Variants in DEDD2 observed in about 807,000 individuals in gnomAD.
DEDD2 encodes death effector domain containing 2, also known as DNA-binding death effector domain-containing protein 2.
DEDD2 carries 18 observed loss-of-function variants against 28.9 expected under a neutral mutation model. The observed-to-expected ratio is 0.62, with a 90% CI of 0.43 to 0.92. The LOEUF is 0.92. Ranked by LOEUF, DEDD2 falls within the 40% of genes least tolerant of loss-of-function variation. DEDD2 has a pLI of 0.00. For missense variants in DEDD2, 411 were observed against 463.3 expected (o/e 0.89, Z 1.04); for synonymous variants, 211 against 206.1 (o/e 1.02, Z -0.20).
intron 3 of DEDD2, among the ~76,000 whole-genome samples, chr19:42,213,664 A>G (rs1030635746): frequency 2.0e-5 from 3 of 152,182 alleles, no homozygotes; most frequent in East Asian, 1.9e-4. Flanking sequence ...GACGAGTTAC[A>G]TAACTCCATC....
At chr19:42,206,163 A>T (rs975836084) in intron 4 of DEDD2, among the ~76,000 whole-genome samples, 5 of 139,142 alleles carry the variant, frequency 3.6e-5, no homozygotes, top group Non-Finnish European at 7.8e-5. Flanking sequence ...TTTCCATAAT[A>T]AAAAAAAAAA....
At chr19:42,210,249 G>A (rs1297470035) in intron 3 of DEDD2, among the ~76,000 whole-genome samples, 2 of 152,140 alleles carry the variant, frequency 1.3e-5, no homozygotes, top group Non-Finnish European at 2.9e-5. Context: ...CAAAATAAGT[G>A]TCTACAGTGT....
upstream of DEDD2, among the ~76,000 whole-genome samples, chr19:42,218,814 C>T (rs2036073215): frequency 6.6e-6 from 1 of 152,248 alleles, no homozygotes; most frequent in Non-Finnish European, 1.5e-5. Flanking sequence ...GGGCGGATCA[C>T]ACGAGGCCAG....
At chr19:42,209,617 C>CCCCAGAAAAATGCTCATTTCT in intron 4 of DEDD2, 83 bp downstream of exon 4, 1 of 1,498,816 alleles carries the variant, frequency 6.7e-7, no homozygotes, top group Non-Finnish European at 8.9e-7. Flanking sequence ...GTGTCACATC[C>CCCCAGAAAAATGCTCATTTCT]CCCAGAAAAA....
chr19:42,216,938 G>A lies in DEDD2; in HGVS notation c.70C>T (p.Leu24=). ...ACCTCGAACATACGGTGAAGCGACAGCATCCCGTAGTAGTCCAGGCACTCA... is the reference window on the plus strand; with the variant it reads ...ACCTCGAACATACGGTGAAGCGACAACATCCCGTAGTAGTCCAGGCACTCA... The part of the protein sequence containing the change: ...EDECLDYYGM[L]SLHRMFEVVG... Residue 24 remains leucine, a synonymous_variant, in exon 2 of 5, where the codon CTG becomes TTG. Coordinates refer to ENST00000596251, the MANE Select transcript of DEDD2 (RefSeq NM_133328.4). 1 of 1,602,182 alleles carries A rather than the reference G, an allele frequency of 6.2e-7. No homozygotes were observed. Among genetic ancestry groups the A allele is most frequent in the Non-Finnish European group, 8.5e-7 (1 of 1,174,860 alleles).
chr19:42,206,547 T>C (rs1057163589), intron 4 of DEDD2, among the ~76,000 whole-genome samples: 2 of 152,204 alleles, frequency 1.3e-5, no homozygotes, highest in African/African-American at 4.8e-5. Context: ...TGACCGCCTT[T>C]CCCTGATCGT....
At chr19:42,214,754 C>G (rs996758125) in intron 3 of DEDD2, among the ~76,000 whole-genome samples, 1 of 151,866 alleles carries the variant, frequency 6.6e-6, no homozygotes, top group African/African-American at 2.4e-5. Flanking sequence ...CAGACCAAGC[C>G]CCTATCTTGA....
At chr19:42,215,782 T>C (rs1458962487) in intron 2 of DEDD2, among the ~76,000 whole-genome samples, 1 of 152,148 alleles carries the variant, frequency 6.6e-6, no homozygotes, top group Non-Finnish European at 1.5e-5. Flanking sequence ...GGTCTATTCA[T>C]GCACACGGCT....
In DEDD2 at chr19:42,209,897, G is replaced by A; in HGVS notation, c.449-57C>T. On this transcript the variant is annotated intron_variant, in intron 3 of 4. Coordinates refer to ENST00000596251, the MANE Select transcript of DEDD2 (RefSeq NM_133328.4). ...CCAGGATGACAGCTAGAGTGCCCAG[G>A]TGTATGCCTGGAAAAGAACTCAAGG... 4.8e-6 allele frequency: 7 copies of A among 1,470,308 alleles called. No individual in the cohort carries two copies. The South Asian group carries it at 6.9e-5, about 15-fold the overall frequency. The allele number at this position is 1,470,308 out of a possible 1,614,324, so 91.1% of individuals were successfully genotyped here.
chr19:42,219,372 G>A (rs1161239668), upstream of DEDD2, among the ~76,000 whole-genome samples: 3 of 152,040 alleles, frequency 2.0e-5, no homozygotes, highest in African/African-American at 4.8e-5. Context: ...AGGCCGAGAC[G>A]GGTGGATCAC....
intron 3 of DEDD2, among the ~76,000 whole-genome samples, chr19:42,214,215 G>A (rs925333979): frequency 5.3e-5 from 8 of 152,134 alleles, no homozygotes; most frequent in Admixed American, 2.0e-4. Flanking sequence ...CAACACTTTC[G>A]GAGGCCCAGG....
At position 42,216,802 on chromosome 19, in the gene DEDD2, A is replaced by T; in HGVS notation, c.206T>A (p.Leu69Gln). 1 of 1,584,200 alleles carries T rather than the reference A, an allele frequency of 6.3e-7. No individual in the cohort carries two copies. The highest frequency in any genetic ancestry group is 8.6e-7 in the Non-Finnish European group (1 of 1,165,468). ...CTGCCCGCGGCGCTCCAGCTCCAGCAGGAGCTCTAGGCCGCTGCGGGCCCG... is the reference window on the plus strand; with the variant it reads ...CTGCCCGCGGCGCTCCAGCTCCAGCTGGAGCTCTAGGCCGCTGCGGGCCCG... ...LARARSGLEL[L>Q]LELERRGQCD... Residue 69 changes from leucine to glutamine, a missense_variant, in exon 2 of 5, where the codon CTG (leucine) becomes CAG (glutamine). Physicochemically the swap from Leu to Gln is moderately radical, Grantham distance 113. Coordinates refer to ENST00000596251, the MANE Select transcript of DEDD2 (RefSeq NM_133328.4).
At chr19:42,204,072 A>G (rs1474378945) in intron 4 of DEDD2, among the ~76,000 whole-genome samples, 1 of 152,188 alleles carries the variant, frequency 6.6e-6, no homozygotes, top group Non-Finnish European at 1.5e-5. Flanking sequence ...AGGTGGGCCC[A>G]GCACCCTCTT....
At chr19:42,204,718 G>A (rs1041979729) in intron 4 of DEDD2, among the ~76,000 whole-genome samples, 1 of 152,134 alleles carries the variant, frequency 6.6e-6, no homozygotes, top group Non-Finnish European at 1.5e-5. Flanking sequence ...CCTTGCTGGA[G>A]AGAGGCAGCC....
rs749103293 is a variant in DEDD2 at position 42,209,813 on chromosome 19, C to G, written c.476G>C (p.Arg159Pro). The G allele has an allele frequency of 6.4e-7, 1 of 1,554,038 alleles. No individual in the cohort carries two copies. Among genetic ancestry groups the G allele is most frequent in the Non-Finnish European group, 8.7e-7 (1 of 1,153,332 alleles). The change falls in exon 4 of 5, where the codon CGG becomes CCG. Residue 159 changes from arginine to proline, a missense_variant. By Grantham distance (103) the Arg-to-Pro change is moderately radical (BLOSUM62 -2). This residue lies in a region of DEDD2 where 282 missense variants were observed against 273.4 expected (regional missense o/e 1.03). Coordinates refer to ENST00000596251, the MANE Select transcript of DEDD2 (RefSeq NM_133328.4). ...TGSPPTKRQR[R>P]SRGRPSGGAR... Reference sequence around the variant, plus strand: ...ACCACCACTGGGCCGGCCCCGACTCCGCCGCTGCCGCTTGGTTGGGGGGGA... The same window carrying G: ...ACCACCACTGGGCCGGCCCCGACTCGGCCGCTGCCGCTTGGTTGGGGGGGA...
At position 42,199,572 on chromosome 19, in the gene DEDD2, C is replaced by A. The variant is rs1326384381; in HGVS notation, c.847G>T (p.Ala283Ser). 6.2e-7 allele frequency: 1 copy of A among 1,614,108 alleles called. No homozygotes were observed. Among genetic ancestry groups the A allele is most frequent in the African/African-American group, 1.3e-5 (1 of 75,062 alleles). Residue 283 changes from alanine (A) to serine (S), a missense_variant, in exon 5 of 5, where the codon GCC becomes TCC. Coordinates refer to ENST00000596251, the MANE Select transcript of DEDD2 (RefSeq NM_133328.4). The surrounding 1 kb of genome is among the most constrained non-coding windows in gnomAD (Gnocchi z 7.4). ...QALRGVFLTE[A>S]LREAVGREAV... Reference sequence around the variant, plus strand: ...TCCCGGCCCACAGCCTCTCGCAGGGCCTCAGTCAGGAACACGCCCCGCAGG... The same window carrying A: ...TCCCGGCCCACAGCCTCTCGCAGGGACTCAGTCAGGAACACGCCCCGCAGG...
At chr19:42,205,895 G>A (rs901668544) in intron 4 of DEDD2, among the ~76,000 whole-genome samples, 9 of 152,006 alleles carry the variant, frequency 5.9e-5, no homozygotes, top group Non-Finnish European at 1.3e-4. Flanking sequence ...ACCAGCCTGG[G>A]CAACAGGGCA....
At chr19:42,218,339 C>T (rs1363493022), upstream of DEDD2, among the ~76,000 whole-genome samples, 1 of 151,772 alleles carries the variant, frequency 6.6e-6, no homozygotes, top group Admixed American at 6.6e-5. Context: ...GCAACAGAAC[C>T]CTCCATTCCG....
rs766589558 is a variant in DEDD2, at chr19:42,216,956, G to A, written c.52C>T (p.Leu18=). The A allele has an allele frequency of 1.9e-6, 3 of 1,602,426 alleles. No individual in the cohort carries two copies. The East Asian group carries it at 6.8e-5, about 36-fold the overall frequency. The change falls in exon 2 of 5, where the codon CTG becomes TTG. Residue 18 remains leucine (L), a synonymous_variant. Coordinates refer to ENST00000596251, the MANE Select transcript of DEDD2 (RefSeq NM_133328.4). ...PAPCWEEDEC[L]DYYGMLSLHR... Reference sequence around the variant, plus strand: ...AGCGACAGCATCCCGTAGTAGTCCAGGCACTCATCCTCCTCCCAGCACGGG... The same window carrying A: ...AGCGACAGCATCCCGTAGTAGTCCAAGCACTCATCCTCCTCCCAGCACGGG...
Sources: gnomAD v4.1 joint callset for allele counts (sites outside exome capture counted in the v4.1 genomes callset) on GRCh38, gnomAD v4.1.1 for gene constraint, gnomAD v4.1.1 regional missense constraint, Gnocchi (gnomAD v3.1) non-coding constraint, MANE v1.5 for transcripts, NCBI Gene and HGNC (gene_info 2026-07-23, HGNC 2026-07-21) for gene names.